Variants in NAV3 observed in about 807,000 individuals in gnomAD.
NAV3 encodes pore membrane and/or filament interacting like protein 1.
A neutral mutation model predicts 244.7 loss-of-function variants in NAV3; 87 were observed. The observed-to-expected ratio is 0.36, with a 90% confidence interval of 0.30 to 0.42. NAV3 has a LOEUF of 0.42. NAV3 is among the 20% of genes least tolerant of loss of function. The pLI, the probability that NAV3 is intolerant of heterozygous loss-of-function variation, is 1.00. For synonymous variants in NAV3, 1,126 were observed against 1,042.2 expected, an observed-to-expected ratio of 1.08 and a Z score of -1.55; for missense variants, 2,663 against 2,893.3, an observed-to-expected ratio of 0.92 and a Z score of 1.83.
intron 2 of NAV3, among the ~76,000 whole-genome samples, chr12:77,574,735 A>C (rs945192431): frequency 1.3e-5 from 2 of 152,124 alleles, no homozygotes; most frequent in Admixed American, 1.3e-4. Flanking sequence ...TATTCAGCTT[A>C]CAATAAATCA....
chr12:78,114,805 T>C (rs1390988317), intron 12 of NAV3, among the ~76,000 whole-genome samples: 1 of 152,158 alleles, frequency 6.6e-6, no homozygotes, highest in Non-Finnish European at 1.5e-5. Flanking sequence ...ATATGTGCTA[T>C]AGTAGTGCAA....
chr12:77,743,941 T>TGTTCATGG (rs1276124548), intron 2 of NAV3, among the ~76,000 whole-genome samples: 7 of 151,786 alleles, frequency 4.6e-5, no homozygotes, highest in Admixed American at 6.6e-5. Context: ...AGGATGGTAT[T>TGTTCATGG]ACTTAATGAC....
At chr12:78,109,031 C>A (rs181490245) in intron 12 of NAV3, among the ~76,000 whole-genome samples, 2 of 151,606 alleles carry the variant, frequency 1.3e-5, no homozygotes, top group African/African-American at 4.8e-5. Flanking sequence ...GGTTATTCAA[C>A]AAGATAAATA....
chr12:77,858,587 C>T (rs1346172628), intron 1 of NAV3, among the ~76,000 whole-genome samples: 4 of 152,054 alleles, frequency 2.6e-5, no homozygotes, highest in Non-Finnish European at 5.9e-5. Flanking sequence ...ATTACACTAT[C>T]TCATTGTGGT....
chr12:78,038,741 C>A (rs1335317978), intron 9 of NAV3, among the ~76,000 whole-genome samples: 1 of 152,114 alleles, frequency 6.6e-6, no homozygotes, highest in East Asian at 1.9e-4. Context: ...GAAGCTTTTT[C>A]TTTTTTGGAT....
chr12:77,744,917 A>T (rs1465682701), intron 2 of NAV3, among the ~76,000 whole-genome samples: 7 of 152,014 alleles, frequency 4.6e-5, no homozygotes, highest in Non-Finnish European at 1.5e-5. Context: ...ATGTAAACTT[A>T]AAAGAGTACA....
intron 1 of NAV3, among the ~76,000 whole-genome samples, chr12:77,881,831 G>A (rs936558): frequency 0.14 from 20,859 of 152,022 alleles, 1,553 homozygotes; most frequent in East Asian, 0.22. Context: ...TACAATAGCT[G>A]TAAAGAAAAT....
intron 2 of NAV3, among the ~76,000 whole-genome samples, chr12:77,588,079 A>G (rs529585063): frequency 9.7e-4 from 147 of 152,312 alleles, no homozygotes; most frequent in Non-Finnish European, 1.7e-3. Context: ...CCCAAATTTA[A>G]CATACTTAGA....
chr12:78,008,014 G>C (rs896608173), intron 8 of NAV3, among the ~76,000 whole-genome samples: 1 of 152,122 alleles, frequency 6.6e-6, no homozygotes, highest in East Asian at 1.9e-4. Context: ...CTACTTTGTA[G>C]AGTTGAGACT....
chr12:78,036,776 A>G, intron 9 of NAV3: 1 of 600,702 alleles, frequency 1.7e-6, no homozygotes, highest in Non-Finnish European at 3.0e-6. Context: ...AGTGCATGTG[A>G]TAATCAAAAT....
At chr12:77,833,184 G>C (rs548108949) in intron 1 of NAV3, among the ~76,000 whole-genome samples, 1 of 152,140 alleles carries the variant, frequency 6.6e-6, no homozygotes, top group Non-Finnish European at 1.5e-5. Context: ...TTAATTATCT[G>C]GATAATTTAT....
chr12:77,755,118 A>G (rs74613304), intron 2 of NAV3, among the ~76,000 whole-genome samples: 2 of 152,182 alleles, frequency 1.3e-5, no homozygotes, highest in East Asian at 3.8e-4. Context: ...ACATTTTCAT[A>G]TACATATGAA....
intron 2 of NAV3, among the ~76,000 whole-genome samples, chr12:77,807,641 G>A (rs1872051260): frequency 6.6e-6 from 1 of 152,120 alleles, no homozygotes. Flanking sequence ...TGATGAATCT[G>A]ACGATTACGT....
chr12:77,574,259 G>C (rs1377875031), intron 2 of NAV3, among the ~76,000 whole-genome samples: 2 of 152,070 alleles, frequency 1.3e-5, no homozygotes, highest in Non-Finnish European at 2.9e-5. Context: ...AAGTAGCCTT[G>C]ATATGTAAGA....
chr12:77,852,391 C>T (rs1172856656), intron 1 of NAV3, among the ~76,000 whole-genome samples: 4 of 151,930 alleles, frequency 2.6e-5, no homozygotes, highest in African/African-American at 7.2e-5. Flanking sequence ...AAAACTTAAC[C>T]GAGCGTAGTG....
At chr12:78,157,476 A>T (rs923832626) in intron 22 of NAV3, among the ~76,000 whole-genome samples, 4 of 151,790 alleles carry the variant, frequency 2.6e-5, no homozygotes, top group African/African-American at 9.7e-5. Flanking sequence ...CAAGAGGATC[A>T]CTTTAGCCCA....
At chr12:77,747,972 C>A (rs957700835) in intron 2 of NAV3, among the ~76,000 whole-genome samples, 23 of 151,966 alleles carry the variant, frequency 1.5e-4, no homozygotes, top group Non-Finnish European at 2.6e-4. Flanking sequence ...AACATGGCAC[C>A]TGTATACATA....
At chr12:77,740,555 A>T (rs1023544545) in intron 2 of NAV3, among the ~76,000 whole-genome samples, 2 of 152,330 alleles carry the variant, frequency 1.3e-5, no homozygotes, top group Non-Finnish European at 2.9e-5. Context: ...CACAAAAAGA[A>T]TAACAATGGA....
At chr12:78,141,906 T>C (rs1233089619) in intron 20 of NAV3, among the ~76,000 whole-genome samples, 2 of 152,158 alleles carry the variant, frequency 1.3e-5, no homozygotes, top group African/African-American at 4.8e-5. Flanking sequence ...GTAGCATCAT[T>C]ATTATTCTAA....
Sources: gnomAD v4.1 joint callset for allele counts (sites outside exome capture counted in the v4.1 genomes callset) on GRCh38, gnomAD v4.1.1 for gene constraint, MANE v1.5 for transcripts, NCBI Gene and HGNC (gene_info 2026-07-23, HGNC 2026-07-21) for gene names.